The following CAMTA1 variants were observed in gnomAD, a reference collection of about 807,000 sequenced individuals.
The protein encoded by CAMTA1 is calmodulin-binding transcription activator 1.
Under a neutral mutation model 170.9 loss-of-function variants are expected in CAMTA1, and 27 were observed. The observed-to-expected ratio is 0.16, with a 90% CI of 0.12 to 0.22. CAMTA1 has a LOEUF of 0.22. CAMTA1 is among the 10% of genes least tolerant of loss of function. The probability of loss-of-function intolerance (pLI) is 1.00; values close to 1 mark genes in which losing one functional copy is unlikely to be tolerated. For synonymous variants in CAMTA1, 833 were observed against 891.5 expected (o/e 0.93, Z 1.17); for missense variants, 1,619 against 2,217.2 (o/e 0.73, Z 5.42).
At chr1:7,396,137 G>C (rs1321550775) in intron 5 of CAMTA1, among the ~76,000 whole-genome samples, 1 of 152,112 alleles carries the variant, frequency 6.6e-6, no homozygotes, top group Admixed American at 6.5e-5. Context: ...TGAATGACTT[G>C]GTGTCATCCT....
chr1:6,862,694 A>G (rs1279591629), intron 3 of CAMTA1, among the ~76,000 whole-genome samples: 1 of 152,162 alleles, frequency 6.6e-6, no homozygotes, highest in African/African-American at 2.4e-5. Flanking sequence ...GGGATGGTGC[A>G]TGCCCCCTGT....
chr1:6,852,624 A>G (rs1269839032), intron 3 of CAMTA1, among the ~76,000 whole-genome samples: 2 of 152,212 alleles, frequency 1.3e-5, no homozygotes, highest in Admixed American at 6.5e-5. Flanking sequence ...TAAAAGAGAG[A>G]TGCATAGGGC....
chr1:7,490,213 C>G (rs887818435), intron 6 of CAMTA1, among the ~76,000 whole-genome samples: 50 of 152,242 alleles, frequency 3.3e-4, no homozygotes, highest in Non-Finnish European at 1.3e-4. Context: ...CTTGCTATGC[C>G]TCCTCGCATG....
At chr1:7,400,603 C>T (rs983740503) in intron 5 of CAMTA1, among the ~76,000 whole-genome samples, 2 of 152,004 alleles carry the variant, frequency 1.3e-5, no homozygotes, top group African/African-American at 4.8e-5. Flanking sequence ...GTGGAATGGT[C>T]ACCTCTCCCA....
intron 5 of CAMTA1, chr1:7,389,200 G>C (rs1196113298): frequency 6.6e-6 from 1 of 152,650 alleles, no homozygotes; most frequent in Non-Finnish European, 1.5e-5. Context: ...CTCTTCTCTA[G>C]CCTGTTGCCC....
At chr1:7,480,260 T>TG (rs199598421) in intron 6 of CAMTA1, among the ~76,000 whole-genome samples, 8,240 of 150,972 alleles carry the variant, frequency 0.055, 252 homozygotes, top group South Asian at 0.13. Context: ...TGCATGTGTG[T>TG]ATGTGTGTGA....
At chr1:6,902,875 G>A (rs1452866999) in intron 3 of CAMTA1, among the ~76,000 whole-genome samples, 1 of 152,206 alleles carries the variant, frequency 6.6e-6, no homozygotes, top group African/African-American at 2.4e-5. Flanking sequence ...GTATGAAGTA[G>A]TCCAACCCCT....
intron 5 of CAMTA1, among the ~76,000 whole-genome samples, chr1:7,298,792 G>A (rs557880570): frequency 1.1e-4 from 16 of 152,258 alleles, no homozygotes; most frequent in Admixed American, 5.2e-4. Context: ...CCCCAGGAAC[G>A]CACTCAGGGA....
chr1:6,792,705 C>G (rs890988433), intron 1 of CAMTA1, among the ~76,000 whole-genome samples: 4 of 152,030 alleles, frequency 2.6e-5, no homozygotes, highest in Admixed American at 2.6e-4. Flanking sequence ...GACATGGTTG[C>G]TTGTTCTCCT....
At chr1:7,391,673 C>G (rs1296047311) in intron 5 of CAMTA1, among the ~76,000 whole-genome samples, 4 of 152,134 alleles carry the variant, frequency 2.6e-5, no homozygotes, top group Non-Finnish European at 5.9e-5. Context: ...AGCTGCTCGG[C>G]GTACTCCAGC....
intron 6 of CAMTA1, among the ~76,000 whole-genome samples, chr1:7,630,411 C>T (rs2095661262): frequency 6.6e-6 from 1 of 152,204 alleles, no homozygotes; most frequent in Admixed American, 6.5e-5. Context: ...TCCTACACTA[C>T]CTTTGGGCTA....
chr1:6,820,347 C>A, intron 2 of CAMTA1, 97 bp downstream of exon 2: 1 of 1,210,160 alleles, frequency 8.3e-7, no homozygotes, highest in South Asian at 1.3e-5. Flanking sequence ...TCAGCCCGGA[C>A]TCAGAAGACC....
chr1:7,053,205 C>A (rs181414870), intron 3 of CAMTA1, among the ~76,000 whole-genome samples: 1 of 152,326 alleles, frequency 6.6e-6, no homozygotes, highest in Admixed American at 6.5e-5. Context: ...CCTTCCCTCT[C>A]CTGCGGTGGC....
At chr1:7,427,575 C>T (rs917552032) in intron 5 of CAMTA1, among the ~76,000 whole-genome samples, 6 of 152,314 alleles carry the variant, frequency 3.9e-5, no homozygotes, top group Admixed American at 3.3e-4. Flanking sequence ...AAGGAAGTGT[C>T]GAAGGTCAAA....
At chr1:7,604,240 A>T (rs534171469) in intron 6 of CAMTA1, among the ~76,000 whole-genome samples, 1 of 152,308 alleles carries the variant, frequency 6.6e-6, no homozygotes, top group South Asian at 2.1e-4. Context: ...GCCTTGCTAG[A>T]TTGGGGAAGT....
At chr1:7,744,774 G>T (rs2096845263) in intron 16 of CAMTA1, 61 bp from the exon 17 acceptor site, 2 of 1,468,360 alleles carry the variant, frequency 1.4e-6, no homozygotes, top group Admixed American at 1.9e-5. Flanking sequence ...CAGGGAGGTA[G>T]ACCTGGATAA....
intron 3 of CAMTA1, among the ~76,000 whole-genome samples, chr1:6,895,738 T>C (rs1323991318): frequency 2.6e-5 from 4 of 152,188 alleles, no homozygotes; most frequent in Non-Finnish European, 5.9e-5. Flanking sequence ...GCTGGCTCCT[T>C]TGTGTCATTC....
In CAMTA1 at chr1:7,007,711, G is replaced by A. The variant is rs1222855026; in HGVS notation, c.235-83593G>A. On this transcript the variant is annotated intron_variant, in intron 3 of 22. Transcript: ENST00000303635. The surrounding 1 kb of genome is among the most constrained non-coding windows in gnomAD (Gnocchi z 4.5). ...TGAAAGGACCCCCTGTGGGGCTCCC[G>A]GGGCGTCGCTTCTGCCTCTTCCAGT... 1.3e-5 allele frequency among the ~76,000 whole-genome samples: 2 copies of A among 152,146 alleles called. No individual in the cohort carries two copies. The highest frequency in any genetic ancestry group is 2.1e-4 in the South Asian group (1 of 4,814).
intron 6 of CAMTA1, among the ~76,000 whole-genome samples, chr1:7,509,665 G>A (rs1488042702): frequency 1.3e-5 from 2 of 152,086 alleles, no homozygotes; most frequent in African/African-American, 4.8e-5. Flanking sequence ...TTATAACTTG[G>A]CCGTAAAAAC....
Sources: allele counts gnomAD v4.1 joint callset (sites outside exome capture counted in the v4.1 genomes callset), GRCh38; gene constraint gnomAD v4.1.1; non-coding constraint Gnocchi (gnomAD v3.1); transcripts MANE v1.5; gene names NCBI Gene and HGNC (gene_info 2026-07-23, HGNC 2026-07-21).